Variants in BRINP3 observed in about 807,000 individuals in gnomAD.
BRINP3 encodes the protein BMP/retinoic acid-inducible neural-specific protein 3.
Under a neutral mutation model 71.0 loss-of-function variants are expected in BRINP3, and 19 were observed. The observed-to-expected ratio is 0.27, with a 90% confidence interval of 0.19 to 0.39. The LOEUF (loss-of-function observed/expected upper bound fraction) is 0.39. BRINP3 is among the 10% of genes least tolerant of loss of function. The probability of loss-of-function intolerance (pLI) is 1.00; values close to 1 mark genes in which losing one functional copy is unlikely to be tolerated. For missense variants in BRINP3, 959 were observed against 940.8 expected, an observed-to-expected ratio of 1.02 and a Z score of -0.25; for synonymous variants, 380 against 337.7, an observed-to-expected ratio of 1.13 and a Z score of -1.37.
chr1:190,451,400 A>G (rs923577019), intron 2 of BRINP3, among the ~76,000 whole-genome samples: 1 of 152,128 alleles, frequency 6.6e-6, no homozygotes, highest in African/African-American at 2.4e-5. Context: ...AGCCTAGAGA[A>G]GATTATACAT....
chr1:190,437,978 G>C (rs1232392554), intron 2 of BRINP3, among the ~76,000 whole-genome samples: 1 of 151,146 alleles, frequency 6.6e-6, no homozygotes, highest in Non-Finnish European at 1.5e-5. Flanking sequence ...ATATCAGTGG[G>C]TTATATTTAT....
At chr1:190,331,511 G>T (rs764052911) in intron 2 of BRINP3, among the ~76,000 whole-genome samples, 1 of 151,984 alleles carries the variant, frequency 6.6e-6, no homozygotes, top group African/African-American at 2.4e-5. Context: ...AAAGTTGTTT[G>T]CTGTTGTTCT....
At chr1:190,350,644 TA>T (rs977585329) in intron 2 of BRINP3, among the ~76,000 whole-genome samples, 1 of 152,092 alleles carries the variant, frequency 6.6e-6, no homozygotes, top group Non-Finnish European at 1.5e-5. Flanking sequence ...TGGCTATGCC[TA>T]ATCTAAATCT....
intron 4 of BRINP3, among the ~76,000 whole-genome samples, chr1:190,262,067 A>T (rs1661230224): frequency 6.6e-6 from 1 of 152,218 alleles, no homozygotes; most frequent in African/African-American, 2.4e-5. Flanking sequence ...TTTGATAAGT[A>T]ATAAAAATAA....
chr1:190,098,046 T>C lies in BRINP3; in HGVS notation c.2273A>G (p.Asp758Gly). ...AFNAKLPNTM[D>G]YDTTKLCS ...ACTACATAATTTGGTCGTGTCATAATCCATTGTGTTTGGCAATTTGGCATT... is the reference window on the plus strand; with the variant it reads ...ACTACATAATTTGGTCGTGTCATAACCCATTGTGTTTGGCAATTTGGCATT... Residue 758 changes from aspartate (D) to glycine (G), a missense_variant, in exon 8 of 8, where the codon GAT (aspartate) becomes GGT (glycine). Transcript: ENST00000367462. 2.5e-6 allele frequency: 4 copies of C among 1,612,880 alleles called. No individual in the cohort carries two copies. Among genetic ancestry groups the C allele is most frequent in the Non-Finnish European group, 3.4e-6 (4 of 1,179,488 alleles).
At chr1:190,232,097 A>T (rs957217196) in intron 5 of BRINP3, among the ~76,000 whole-genome samples, 1 of 152,034 alleles carries the variant, frequency 6.6e-6, no homozygotes, top group Admixed American at 6.6e-5. Context: ...AAAACACAAC[A>T]CACAAGCAAC....
intron 2 of BRINP3, among the ~76,000 whole-genome samples, chr1:190,426,214 T>A (rs1313054108): frequency 6.6e-6 from 1 of 151,794 alleles, no homozygotes; most frequent in African/African-American, 2.4e-5. Flanking sequence ...ATTTTCCCAG[T>A]CTCACCTTTA....
intron 2 of BRINP3, among the ~76,000 whole-genome samples, chr1:190,372,181 C>A (rs1211192810): frequency 4.6e-5 from 7 of 152,124 alleles, no homozygotes; most frequent in Admixed American, 6.6e-5. Flanking sequence ...ATTGAACCTG[C>A]AAGGCTGGAA....
At chr1:190,296,910 TA>T (rs1245577271) in intron 2 of BRINP3, among the ~76,000 whole-genome samples, 2 of 151,836 alleles carry the variant, frequency 1.3e-5, no homozygotes, top group African/African-American at 2.4e-5. Flanking sequence ...GAAGAACACA[TA>T]AAAAAATGAA....
rs553811075 is a variant in BRINP3, at chr1:190,281,881, T to C, written c.237-131A>G. ...GTAATACTAGGTTGTGTGCTATGAG[T>C]AGGAGAAGCAATATTTATAATTTAT... is the stretch of plus-strand genomic sequence containing the variant. On this transcript the variant is annotated intron_variant, in intron 2 of 7. Coordinates refer to ENST00000367462, the MANE Select transcript of BRINP3 (RefSeq NM_199051.3). The C allele has an allele frequency of 1.3e-5, 9 of 713,392 alleles. No individual in the cohort carries two copies. In the Admixed American group the frequency reaches 3.1e-4, roughly 24 times the overall value. The allele number at this position is 713,392 out of a possible 1,614,324, so 44.2% of individuals were successfully genotyped here. A position where few individuals can be genotyped will look rare whatever the true frequency, so the allele number is the denominator to read the frequency against.
At chr1:190,356,252 C>A (rs922359609) in intron 2 of BRINP3, among the ~76,000 whole-genome samples, 8 of 151,930 alleles carry the variant, frequency 5.3e-5, no homozygotes, top group Admixed American at 1.3e-4. Flanking sequence ...AAGTGTATAG[C>A]TATTATTTAA....
intron 2 of BRINP3, among the ~76,000 whole-genome samples, chr1:190,452,096 T>G (rs1675646444): frequency 6.6e-6 from 1 of 152,022 alleles, no homozygotes. Flanking sequence ...TGGAAAACAT[T>G]AATTTTCCAT....
rs1272135322 is a variant in BRINP3, at chr1:190,221,940, T to A, written c.961+4142A>T. The stretch of plus-strand genomic sequence containing the variant: ...AAGCACACATTAGTAGAGCTAAAAA[T>A]ATATATAAGACTATAATAAAATAAC... On this transcript the variant is annotated intron_variant, in intron 6 of 7. Transcript: ENST00000367462. Among the ~76,000 whole-genome samples, 4 of 152,118 alleles carry A rather than the reference T, an allele frequency of 2.6e-5. No homozygotes were observed. In the East Asian group the frequency reaches 7.7e-4, roughly 29 times the overall value.
intron 2 of BRINP3, among the ~76,000 whole-genome samples, chr1:190,397,323 G>A (rs1238885035): frequency 6.6e-6 from 1 of 151,882 alleles, no homozygotes; most frequent in Non-Finnish European, 1.5e-5. Flanking sequence ...AATATTCTTT[G>A]ACAGGCTTGC....
At chr1:190,377,398 C>T (rs932479616) in intron 2 of BRINP3, among the ~76,000 whole-genome samples, 3 of 151,906 alleles carry the variant, frequency 2.0e-5, no homozygotes, top group African/African-American at 7.2e-5. Context: ...AGCCTTCTCC[C>T]TCATATCAGA....
chr1:190,236,986 C>T (rs1658585850), intron 4 of BRINP3, among the ~76,000 whole-genome samples: 1 of 151,832 alleles, frequency 6.6e-6, no homozygotes, highest in Non-Finnish European at 1.5e-5. Context: ...GTAAACTCCT[C>T]TAACACTTCA....
intron 2 of BRINP3, among the ~76,000 whole-genome samples, chr1:190,348,882 T>C (rs1013951652): frequency 1.3e-5 from 2 of 152,166 alleles, no homozygotes; most frequent in Non-Finnish European, 2.9e-5. Context: ...CCACAGTAGA[T>C]GAAAACAGGC....
intron 6 of BRINP3, among the ~76,000 whole-genome samples, chr1:190,209,627 T>A (rs1426645456): frequency 6.6e-6 from 1 of 152,148 alleles, no homozygotes; most frequent in Non-Finnish European, 1.5e-5. Context: ...CATTTGACGT[T>A]CATAAAATAT....
intron 7 of BRINP3, among the ~76,000 whole-genome samples, chr1:190,131,759 C>T (rs374232331): frequency 6.6e-6 from 1 of 152,068 alleles, no homozygotes; most frequent in Non-Finnish European, 1.5e-5. Flanking sequence ...TGATCTTGCT[C>T]CTATCTACAA....
Sources: gnomAD v4.1 joint callset for allele counts (sites outside exome capture counted in the v4.1 genomes callset) on GRCh38, gnomAD v4.1.1 for gene constraint, MANE v1.5 for transcripts, NCBI Gene and HGNC (gene_info 2026-07-23, HGNC 2026-07-21) for gene names.